Variants in STT3B observed in about 807,000 individuals in gnomAD.
STT3B encodes the protein dolichyl-diphosphooligosaccharide--protein glycosyltransferase subunit STT3B.
In STT3B, 29 loss-of-function variants were observed where a neutral mutation model predicts 96.8. The observed-to-expected ratio is 0.30, with a 90% CI of 0.22 to 0.41. STT3B has a LOEUF of 0.41. STT3B is among the 10% of genes least tolerant of loss of function. The pLI is 1.00. For synonymous variants in STT3B, 367 were observed against 360.0 expected (o/e 1.02, Z -0.22); for missense variants, 640 against 1,022.3 (o/e 0.63, Z 5.10).
At chr3:31,619,573 A>G in intron 8 of STT3B, 103 bp from the exon 9 acceptor site, 1 of 898,164 alleles carries the variant, frequency 1.1e-6, no homozygotes, top group Non-Finnish European at 1.7e-6. Flanking sequence ...AAGAAGGGGT[A>G]GGGAGTAGGT....
intron 1 of STT3B, among the ~76,000 whole-genome samples, chr3:31,551,442 C>T (rs1024916314): frequency 3.3e-5 from 5 of 152,138 alleles, no homozygotes; most frequent in South Asian, 2.1e-4. Context: ...GTCTTGAACT[C>T]CTGGGCTCAA....
At chr3:31,563,141 T>G (rs544750209) in intron 1 of STT3B, among the ~76,000 whole-genome samples, 68 of 152,334 alleles carry the variant, frequency 4.5e-4, no homozygotes, top group African/African-American at 1.5e-3. Context: ...ATCACTACTC[T>G]CTTGAATTTC....
chr3:31,624,287 A>G (rs543475403), intron 11 of STT3B, among the ~76,000 whole-genome samples: 52 of 152,160 alleles, frequency 3.4e-4, no homozygotes, highest in African/African-American at 1.2e-3. Context: ...ATTTGAATCT[A>G]CCTTTCTTTG....
intron 3 of STT3B, among the ~76,000 whole-genome samples, chr3:31,590,845 G>C (rs1422707318): frequency 6.6e-6 from 1 of 152,008 alleles, no homozygotes; most frequent in Non-Finnish European, 1.5e-5. Context: ...TGGCTCCTAA[G>C]TGTAAATATT....
At chr3:31,562,463 A>T (rs573589928) in intron 1 of STT3B, among the ~76,000 whole-genome samples, 1 of 151,998 alleles carries the variant, frequency 6.6e-6, no homozygotes, top group African/African-American at 2.4e-5. Flanking sequence ...GTGTTTGGGT[A>T]CTTGCTTTGG....
intron 1 of STT3B, among the ~76,000 whole-genome samples, chr3:31,567,277 C>T (rs1229032892): frequency 6.6e-6 from 1 of 152,202 alleles, no homozygotes; most frequent in Non-Finnish European, 1.5e-5. Context: ...CCTCTTTACC[C>T]TCCTTTACTA....
At chr3:31,572,116 T>TA (rs1171665756) in intron 1 of STT3B, among the ~76,000 whole-genome samples, 1 of 133,606 alleles carries the variant, frequency 7.5e-6, no homozygotes, top group African/African-American at 3.3e-5. Context: ...ATATATTATA[T>TA]ATCTCAAAAA....
intron 1 of STT3B, among the ~76,000 whole-genome samples, chr3:31,559,809 T>A (rs923715021): frequency 6.6e-6 from 1 of 152,138 alleles, no homozygotes; most frequent in African/African-American, 2.4e-5. Flanking sequence ...ACTATTATTG[T>A]ATTGGAATAT....
intron 1 of STT3B, among the ~76,000 whole-genome samples, chr3:31,572,023 T>TATATATTAATATATG (rs1259505050): frequency 4.2e-3 from 173 of 40,786 alleles, no homozygotes; most frequent in Non-Finnish European, 0.012. Context: ...AACATATTAA[T>TATATATTAATATATG]ATATATTAAT....
At chr3:31,620,598 A>G (rs1430625419) in intron 9 of STT3B, among the ~76,000 whole-genome samples, 1 of 152,224 alleles carries the variant, frequency 6.6e-6, no homozygotes, top group Non-Finnish European at 1.5e-5. Flanking sequence ...CTTGAAATAC[A>G]AAATATTTAA....
At chr3:31,544,006 C>T (rs1426085457) in intron 1 of STT3B, among the ~76,000 whole-genome samples, 1 of 152,124 alleles carries the variant, frequency 6.6e-6, no homozygotes, top group African/African-American at 2.4e-5. Context: ...GTAAAATTCA[C>T]AAGATGCCAT....
intron 3 of STT3B, among the ~76,000 whole-genome samples, chr3:31,591,715 A>G (rs1698668802): frequency 6.6e-6 from 1 of 152,146 alleles, no homozygotes; most frequent in Non-Finnish European, 1.5e-5. Context: ...CTACCTAACA[A>G]TACAGATTAT....
Position 31,626,032 on chromosome 3 carries a change from A to G in STT3B, c.1978A>G (p.Ile660Val). The G allele has an allele frequency of 5.6e-6, 9 of 1,613,770 alleles. No homozygotes were observed. Among genetic ancestry groups the G allele is most frequent in the Non-Finnish European group, 7.6e-6 (9 of 1,179,820 alleles). ...RTLDVDYVLV[I>V]FGGVIGYSGD... is the part of the protein sequence containing the mutation. Reference sequence around the variant, plus strand: ...TCTAGATGTAGATTATGTTTTGGTTATTTTTGGAGGGGTTATTGGCTATTC... The same window carrying G: ...TCTAGATGTAGATTATGTTTTGGTTGTTTTTGGAGGGGTTATTGGCTATTC... The change falls in exon 13 of 16, where the codon ATT becomes GTT. Residue 660 changes from isoleucine (I) to valine (V), a missense_variant. Transcript: ENST00000295770.
intron 1 of STT3B, among the ~76,000 whole-genome samples, chr3:31,544,847 G>T (rs1255008029): frequency 1.3e-5 from 2 of 152,072 alleles, no homozygotes; most frequent in Non-Finnish European, 2.9e-5. Flanking sequence ...TGAGGCAGGA[G>T]AATTGCTTAA....
At chr3:31,611,669 G>A (rs765360029) in intron 5 of STT3B, among the ~76,000 whole-genome samples, 2 of 151,952 alleles carry the variant, frequency 1.3e-5, no homozygotes, top group Non-Finnish European at 2.9e-5. Flanking sequence ...GCTAATTTTT[G>A]TAATTTTAGT....
intron 13 of STT3B, among the ~76,000 whole-genome samples, 200 bp downstream of exon 13, chr3:31,626,327 C>A (rs935397079): frequency 6.6e-6 from 1 of 152,182 alleles, no homozygotes; most frequent in African/African-American, 2.4e-5. Flanking sequence ...AACTAATATA[C>A]CATTCTTCCC....
At chr3:31,578,425 T>A (rs1243009907) in intron 2 of STT3B, among the ~76,000 whole-genome samples, 1 of 152,162 alleles carries the variant, frequency 6.6e-6, no homozygotes, top group East Asian at 1.9e-4. Flanking sequence ...GTTGGGGTTT[T>A]ATTTGTTGAT....
In STT3B at chr3:31,593,730, A is replaced by G. The variant is rs115873549; in HGVS notation, c.712-3068A>G. Among the ~76,000 whole-genome samples the G allele has an allele frequency of 5.1e-3, 779 of 151,862 alleles. 10 individuals are homozygous for G. The highest frequency in any genetic ancestry group is 0.018 in the African/African-American group (727 of 41,466). ...AATTTCTAGTTCATTCTTATTTCTC[A>G]CATGTATAGGAGAATATGTATCTCT... is the stretch of plus-strand genomic sequence containing the variant. On this transcript the variant is annotated intron_variant, in intron 3 of 15. Transcript: ENST00000295770.
chr3:31,635,499 C>T (rs143949026), intron 15 of STT3B, among the ~76,000 whole-genome samples: 1 of 152,240 alleles, frequency 6.6e-6, no homozygotes, highest in Non-Finnish European at 1.5e-5. Flanking sequence ...AGAGAATGTG[C>T]CAAGTGATTA....
Sources: gnomAD v4.1 joint callset for allele counts (sites outside exome capture counted in the v4.1 genomes callset) on GRCh38, gnomAD v4.1.1 for gene constraint, MANE v1.5 for transcripts, NCBI Gene and HGNC (gene_info 2026-07-23, HGNC 2026-07-21) for gene names.